The following B4GALNT1 variants were observed in gnomAD, a reference collection of about 807,000 sequenced individuals.
B4GALNT1 encodes the protein beta-1,4 N-acetylgalactosaminyltransferase 1.
B4GALNT1 carries 43 observed loss-of-function variants against 55.2 expected under a neutral mutation model. The ratio of observed to expected loss-of-function variants is 0.78; its 90% CI spans 0.61 to 1.00. B4GALNT1 has a LOEUF of 1.00. Among genes scored for constraint, B4GALNT1 ranks in the 50% least tolerant of loss-of-function variants. The pLI, the probability that B4GALNT1 is intolerant of heterozygous loss-of-function variation, is 0.00. For synonymous variants in B4GALNT1, 305 were observed against 311.6 expected (o/e 0.98, Z 0.22); for missense variants, 664 against 729.7 (o/e 0.91, Z 1.04).
intron 2 of B4GALNT1, among the ~76,000 whole-genome samples, chr12:57,631,644 T>C (rs1885218091): frequency 6.6e-6 from 1 of 152,152 alleles, no homozygotes. Context: ...TCTCTTCTCA[T>C]ACCTGAATCA....
chr12:57,626,816 C>T lies in B4GALNT1; in HGVS notation c.1530G>A (p.Leu510=). Residue 510 remains leucine (L), a synonymous_variant, in exon 11 of 11, where the codon CTG becomes CTA. Coordinates refer to ENST00000341156, the MANE Select transcript of B4GALNT1 (RefSeq NM_001478.5). ...TYARYRYPGS[L]DESQMAKHRL... is the part of the protein sequence containing the mutation. ...GGTGTTTGGCCATCTGGCTCTCGTC[C>T]AGTGATCCTGGGTAACGGTACCGGG... 6.2e-7 allele frequency: 1 copy of T among 1,614,200 alleles called. No homozygotes were observed.
rs928541256 is a variant in B4GALNT1 at position 57,623,789 on chromosome 12, G to A, written c.*2955C>T. ...CAGGAAGACCAGCTCTCATGTGGGGGTGGGAGGCTCTCTTCCTTTTTTGCT... is the reference window on the plus strand; with the variant it reads ...CAGGAAGACCAGCTCTCATGTGGGGATGGGAGGCTCTCTTCCTTTTTTGCT... On this transcript the variant is annotated 3_prime_UTR_variant, in exon 11 of 11. Transcript: ENST00000341156. 24 of 1,542,054 alleles carry A rather than the reference G, an allele frequency of 1.6e-5. No homozygotes were observed. Among genetic ancestry groups the A allele is most frequent in the Non-Finnish European group, 2.1e-5 (24 of 1,122,698 alleles).
intron 4 of B4GALNT1, 87 bp downstream of exon 4, chr12:57,630,893 C>T: frequency 2.3e-6 from 3 of 1,303,996 alleles, no homozygotes; most frequent in Non-Finnish European, 2.2e-6. Flanking sequence ...CCTCCCATTC[C>T]AATCATCTCC....
chr12:57,627,005 A>T, intron 10 of B4GALNT1, 44 bp from the exon 11 acceptor site: 2 of 1,539,308 alleles, frequency 1.3e-6, no homozygotes, highest in Non-Finnish European at 1.8e-6. Flanking sequence ...CTGAGGGTGC[A>T]GAAGGCCGAC....
In B4GALNT1 at chr12:57,632,053, G is replaced by A; in HGVS notation, c.80C>T (p.Thr27Ile). 1.4e-6 allele frequency: 2 copies of A among 1,443,390 alleles called. No homozygotes were observed. The highest frequency in any genetic ancestry group is 1.8e-6 in the Non-Finnish European group (2 of 1,096,592). 89.4% of individuals were successfully genotyped at this position (1,443,390 alleles called of 1,614,324 possible). Residue 27 changes from threonine to isoleucine, a missense_variant, in exon 2 of 11, where the codon ACC becomes ATC. Thr to Ile is a moderately conservative substitution (Grantham distance 89, BLOSUM62 -1). Transcript: ENST00000341156. ...TAGCCGGAGGCCGGGCGCGTCCCGG[G>A]TGCTCGCGTACAGGAGCCCCAGCGA... ...CASLGLLYAS[T>I]RDAPGLRLPL...
At chr12:57,631,122 G>C (rs373846522) in intron 3 of B4GALNT1, 36 bp from the exon 4 acceptor site, 2 of 1,607,536 alleles carry the variant, frequency 1.2e-6, no homozygotes, top group Non-Finnish European at 1.7e-6. Context: ...GAGCAGAGTC[G>C]GGGGGAGAGG....
In B4GALNT1 at chr12:57,627,658, C is replaced by T. The variant is rs752238904; in HGVS notation, c.1344G>A (p.Glu448=). ...GGCTGAGGCGGGGGTCGAAACCGAC[C>T]TCGCGCACCTTGTCAGTCCGCGCCA... ...FFLARTDKVR[E]VGFDPRLSRV... The change falls in exon 10 of 11, where the codon GAG becomes GAA. Residue 448 remains glutamate (E), a synonymous_variant. Coordinates refer to ENST00000341156, the MANE Select transcript of B4GALNT1 (RefSeq NM_001478.5). 3.5e-5 allele frequency: 57 copies of T among 1,606,284 alleles called. No homozygotes were observed. In the South Asian group the frequency reaches 6.2e-4, roughly 17 times the overall value.
rs774009555 is a variant in B4GALNT1 at position 57,627,585 on chromosome 12, T to C, written c.1384+33A>G. On this transcript the variant is annotated intron_variant, in intron 10 of 10. Coordinates refer to ENST00000341156, the MANE Select transcript of B4GALNT1 (RefSeq NM_001478.5). ...GTGCGCCAGCTCCCCGTGGGGCTCC[T>C]GCCAGGGTCGACCGGGAGGGGGTGC... 12 of 1,554,564 alleles carry C rather than the reference T, an allele frequency of 7.7e-6. No homozygotes were observed. The Admixed American group carries it at 2.1e-4, about 28-fold the overall frequency.
intron 6 of B4GALNT1, 26 bp downstream of exon 6, chr12:57,630,126 C>G (rs1885100951): frequency 6.2e-7 from 1 of 1,614,234 alleles, no homozygotes; most frequent in Admixed American, 1.7e-5. Context: ...GCCCAGCCTG[C>G]CCGTCTCTCC....
chr12:57,628,202 C>A lies in B4GALNT1; in HGVS notation c.1063G>T (p.Val355Leu), dbSNP rs1884969143. The change falls in exon 9 of 11, where the codon GTG becomes TTG. Residue 355 changes from valine to leucine, a missense_variant. Transcript: ENST00000341156. ...GCCGTGAAGACGAAGTCGTCGTCCA[C>A]CCACAGCACGTACTTGGTGGTTACT... ...SQVTTKYVLW[V>L]DDDFVFTART... is the part of the protein sequence containing the mutation. 1.2e-6 allele frequency: 2 copies of A among 1,614,162 alleles called. No individual in the cohort carries two copies. Among genetic ancestry groups the A allele is most frequent in the African/African-American group, 2.7e-5 (2 of 74,952 alleles).
intron 2 of B4GALNT1, 31 bp downstream of exon 2, chr12:57,631,884 G>T: frequency 7.3e-7 from 1 of 1,365,958 alleles, no homozygotes. Flanking sequence ...CCCAGCGAGC[G>T]CTGCGCTGCG....
rs1885020502 is a variant in B4GALNT1 at position 57,628,879 on chromosome 12, ACTAGAGCG to A, written c.828_835del (p.Ala277HisfsTer11). The A allele has an allele frequency of 6.2e-7, 1 of 1,614,178 alleles. No homozygotes were observed. On this transcript the variant is annotated frameshift_variant, in exon 8 of 11. Coordinates refer to ENST00000341156, the MANE Select transcript of B4GALNT1 (RefSeq NM_001478.5). LOFTEE classifies it high-confidence loss of function. Reference sequence around the variant, plus strand: ...GAGGAAGGTCTTGGTGGCAATCGTGACTAGAGCGCTGATGTTGTACTGGGCTGAGATTG... The same window carrying A: ...GAGGAAGGTCTTGGTGGCAATCGTGACTGATGTTGTACTGGGCTGAGATTG...
intron 2 of B4GALNT1, 55 bp downstream of exon 2, chr12:57,631,860 G>GC (rs1885232644): frequency 2.2e-6 from 3 of 1,340,016 alleles, no homozygotes; most frequent in Admixed American, 7.1e-5. Context: ...GAAAACAAAA[G>GC]CCCCCAGACC....
intron 2 of B4GALNT1, 44 bp downstream of exon 2, chr12:57,631,871 A>AC: frequency 1.5e-6 from 2 of 1,354,182 alleles, no homozygotes; most frequent in Admixed American, 3.6e-5. Context: ...CCCCCAGACC[A>AC]CCCCCAGCGA....
At chr12:57,632,228 G>A (rs1293548448) in intron 1 of B4GALNT1, 95 bp from the exon 2 acceptor site, 1 of 1,226,634 alleles carries the variant, frequency 8.2e-7, no homozygotes, top group Non-Finnish European at 1.2e-6. Context: ...GGCTCCTGCC[G>A]GCTCCCAAGA....
intron 7 of B4GALNT1, 48 bp from the exon 8 acceptor site, chr12:57,628,951 A>T: frequency 1.2e-6 from 2 of 1,610,502 alleles, no homozygotes; most frequent in Non-Finnish European, 1.7e-6. Context: ...GGGTTGGGAG[A>T]GGGGAACAGG....
In B4GALNT1 at chr12:57,626,363, T is replaced by C. The variant is rs1594975270; in HGVS notation, c.*381A>G. The stretch of plus-strand genomic sequence containing the variant: ...GATGAGGGGCACAGTCTTGGGATTA[T>C]GTGTTGGGGAACTTCCCCACCCCCT... On this transcript the variant is annotated 3_prime_UTR_variant, in exon 11 of 11. Coordinates refer to ENST00000341156, the MANE Select transcript of B4GALNT1 (RefSeq NM_001478.5). 2 of 287,478 alleles carry C rather than the reference T, an allele frequency of 7.0e-6. No homozygotes were observed. Among genetic ancestry groups the C allele is most frequent in the East Asian group, 8.9e-5 (1 of 11,290 alleles). The allele number at this position is 287,478 out of a possible 1,614,324, so 17.8% of individuals were successfully genotyped here.
At chr12:57,627,549 G>A (rs1884906101) in intron 10 of B4GALNT1, 69 bp downstream of exon 10, 1 of 1,511,818 alleles carries the variant, frequency 6.6e-7, no homozygotes, top group Non-Finnish European at 8.8e-7. Flanking sequence ...TAGGAGGAGA[G>A]GCGCGTGACC....
rs369961371 is a variant in B4GALNT1, at chr12:57,624,037, G to A, written c.*2707C>T. ...GCTTGCATCAACATCTCCAGCATGCGCCAGGTGTTCTGCCAGATGCAGGAA... is the reference window on the plus strand; with the variant it reads ...GCTTGCATCAACATCTCCAGCATGCACCAGGTGTTCTGCCAGATGCAGGAA... On this transcript the variant is annotated 3_prime_UTR_variant, in exon 11 of 11. Transcript: ENST00000341156. 1.1e-5 allele frequency: 18 copies of A among 1,612,442 alleles called. No individual in the cohort carries two copies. The highest frequency in any genetic ancestry group is 1.6e-4 in the Middle Eastern group (1 of 6,074).
Sources: gnomAD v4.1 joint callset for allele counts (sites outside exome capture counted in the v4.1 genomes callset) on GRCh38, gnomAD v4.1.1 for gene constraint, MANE v1.5 for transcripts, NCBI Gene and HGNC (gene_info 2026-07-23, HGNC 2026-07-21) for gene names.